SLC26A2: variants seen among roughly 807,000 people sequenced by gnomAD.
SLC26A2 encodes the protein sulfate transporter.
SLC26A2 carries 36 observed loss-of-function variants against 41.1 expected under a neutral mutation model. The ratio of observed to expected loss-of-function variants is 0.88; its 90% CI spans 0.67 to 1.16. The LOEUF (loss-of-function observed/expected upper bound fraction) is 1.16, where lower values mean the gene tolerates loss of function less well. Ranked by LOEUF, SLC26A2 falls within the 50% of genes most tolerant of loss-of-function variation. The probability of loss-of-function intolerance (pLI) is 0.00; values close to 1 mark genes in which losing one functional copy is unlikely to be tolerated. For synonymous variants in SLC26A2, 291 were observed against 311.6 expected, an observed-to-expected ratio of 0.93 and a Z score of 0.70; for missense variants, 796 against 869.6, an observed-to-expected ratio of 0.92 and a Z score of 1.07.
At position 149,977,716 on chromosome 5, in the gene SLC26A2, A is replaced by G. The variant is rs1755016700; in HGVS notation, c.64A>G (p.Ser22Gly). 6.2e-7 allele frequency: 1 copy of G among 1,614,178 alleles called. No homozygotes were observed. The highest frequency in any genetic ancestry group is 1.7e-5 in the Admixed American group (1 of 60,032). Residue 22 changes from serine (S) to glycine (G), a missense_variant, in exon 2 of 3, where the codon AGT (serine) becomes GGT (glycine). By Grantham distance (56) the Ser-to-Gly change is moderately conservative. Coordinates refer to ENST00000286298, the MANE Select transcript of SLC26A2 (RefSeq NM_000112.4). ...SPRDSAEGND[S>G]YPSGIHLELQ... ...CAGAGACTCAGCTGAAGGAAATGAC[A>G]GTTATCCATCTGGGATCCATCTGGA...
rs1253520265 is a variant in SLC26A2, at chr5:149,982,668, T to C, written c.*855T>C. The C allele has an allele frequency of 1.3e-5, 2 of 152,230 alleles. No homozygotes were observed. Among genetic ancestry groups the C allele is most frequent in the African/African-American group, 4.8e-5 (2 of 41,462 alleles). 9.4% of individuals were successfully genotyped at this position (152,230 alleles called of 1,614,324 possible). A position where few individuals can be genotyped will look rare whatever the true frequency, so the allele number is the denominator to read the frequency against. On this transcript the variant is annotated 3_prime_UTR_variant, in exon 3 of 3. Transcript: ENST00000286298. ...AGTTTGTTTCCCATGGAATCTGTCC[T>C]AAACTGGTGTTTTTGTCAGTGACAG...
At chr5:149,967,220 C>T (rs1754818850) in intron 1 of SLC26A2, among the ~76,000 whole-genome samples, 3 of 152,086 alleles carry the variant, frequency 2.0e-5, no homozygotes, top group Admixed American at 1.3e-4. Flanking sequence ...CTCTTTTCCC[C>T]TTCAGATAAG....
In SLC26A2 at chr5:149,981,086, T is replaced by C; in HGVS notation, c.1493T>C (p.Phe498Ser). The change falls in exon 3 of 3, where the codon TTT becomes TCT. Residue 498 changes from phenylalanine to serine, a missense_variant. Coordinates refer to ENST00000286298, the MANE Select transcript of SLC26A2 (RefSeq NM_000112.4). ...AATCTACGGGGAGCCCTTCGTAAAT[T>C]TAGGGATCTTCCCAAAATGTGGAGT... ...IVNLRGALRK[F>S]RDLPKMWSIS... The C allele has an allele frequency of 1.2e-6, 2 of 1,614,166 alleles. No individual in the cohort carries two copies. The highest frequency in any genetic ancestry group is 1.7e-6 in the Non-Finnish European group (2 of 1,180,004).
chr5:149,981,348 C>T lies in SLC26A2; in HGVS notation c.1755C>T (p.Ala585=). ...KPGIKIFRFV[A]PLYYINKECF... ...GCATCAAGATTTTCCGCTTTGTAGC[C>T]CCTCTCTACTACATAAACAAAGAAT... Residue 585 remains alanine (A), a synonymous_variant, in exon 3 of 3, where the codon GCC becomes GCT. Coordinates refer to ENST00000286298, the MANE Select transcript of SLC26A2 (RefSeq NM_000112.4). 6.2e-7 allele frequency: 1 copy of T among 1,613,972 alleles called. No individual in the cohort carries two copies. The highest frequency in any genetic ancestry group is 8.5e-7 in the Non-Finnish European group (1 of 1,179,958).
Position 149,980,899 on chromosome 5 carries a change from A to G in SLC26A2, c.1306A>G (p.Thr436Ala), listed in dbSNP as rs1160194922. 2.5e-6 allele frequency: 4 copies of G among 1,614,014 alleles called. No homozygotes were observed. Among genetic ancestry groups the G allele is most frequent in the African/African-American group, 2.7e-5 (2 of 74,914 alleles). ...IIPSFFHCFTTSAALAKTLVK... is the reference protein window; with the variant it reads ...IIPSFFHCFTASAALAKTLVK... ...CCCTTCCTTCTTCCACTGTTTTACT[A>G]CTAGTGCAGCTCTTGCAAAGACATT... The change falls in exon 3 of 3, where the codon ACT becomes GCT. Residue 436 changes from threonine to alanine, a missense_variant. Transcript: ENST00000286298.
chr5:149,975,050 CTCT>C (rs1754969659), intron 1 of SLC26A2, among the ~76,000 whole-genome samples: 1 of 152,064 alleles, frequency 6.6e-6, no homozygotes, highest in African/African-American at 2.4e-5. Context: ...CCCATTCTCT[CTCT>C]TCTTTTGGTA....
rs919574683 is a variant in SLC26A2 at position 149,984,018 on chromosome 5, A to G, written c.*2205A>G. On this transcript the variant is annotated 3_prime_UTR_variant, in exon 3 of 3. Coordinates refer to ENST00000286298, the MANE Select transcript of SLC26A2 (RefSeq NM_000112.4). Reference sequence around the variant, plus strand: ...TTAGCCAACACCAACACAGCAAAAAATATAATTCCAGCCAAAGATTCTGGA... The same window carrying G: ...TTAGCCAACACCAACACAGCAAAAAGTATAATTCCAGCCAAAGATTCTGGA... 2 of 152,274 alleles carry G rather than the reference A, an allele frequency of 1.3e-5. No homozygotes were observed. The highest frequency in any genetic ancestry group is 4.8e-5 in the African/African-American group (2 of 41,478). 9.4% of individuals were successfully genotyped at this position (152,274 alleles called of 1,614,324 possible).
Position 149,981,145 on chromosome 5 carries a change from A to G in SLC26A2, c.1552A>G (p.Thr518Ala). The G allele has an allele frequency of 6.2e-7, 1 of 1,614,156 alleles. No individual in the cohort carries two copies. The highest frequency in any genetic ancestry group is 8.5e-7 in the Non-Finnish European group (1 of 1,180,010). Residue 518 changes from threonine to alanine, a missense_variant, in exon 3 of 3, where the codon ACT (threonine) becomes GCT (alanine). Physicochemically the swap from Thr to Ala is moderately conservative, Grantham distance 58. Coordinates refer to ENST00000286298, the MANE Select transcript of SLC26A2 (RefSeq NM_000112.4). ...AATGGATACAGTTATCTGGTTTGTT[A>G]CTATGCTGTCCTCTGCACTGCTAAG... The part of the protein sequence containing the change: ...SRMDTVIWFV[T>A]MLSSALLSTE...
In SLC26A2 at chr5:149,980,684, T is replaced by C. The variant is rs1360579129; in HGVS notation, c.1091T>C (p.Ile364Thr). The C allele has an allele frequency of 8.7e-6, 14 of 1,614,046 alleles. No homozygotes were observed. The highest frequency in any genetic ancestry group is 1.3e-5 in the African/African-American group (1 of 75,058). The change falls in exon 3 of 3, where the codon ATT (isoleucine) becomes ACT (threonine). Residue 364 changes from isoleucine (I) to threonine (T), a missense_variant. By Grantham distance (89) the Ile-to-Thr change is moderately conservative. Coordinates refer to ENST00000286298, the MANE Select transcript of SLC26A2 (RefSeq NM_000112.4). ...TATAATTCTAGTATTGCTGGACATA[T>C]TCCCACTGGGTTTATGCCACCCAAA... ...ENYNSSIAGHIPTGFMPPKVP... is the reference protein window; with the variant it reads ...ENYNSSIAGHTPTGFMPPKVP...
chr5:149,963,738 CTT>C (rs761075019), intron 1 of SLC26A2, among the ~76,000 whole-genome samples: 2 of 78,266 alleles, frequency 2.6e-5, no homozygotes, highest in African/African-American at 6.2e-5. Context: ...ATTTGTTTAA[CTT>C]TTTTTTTTTT....
Position 149,987,064 on chromosome 5 carries a change from C to T in SLC26A2, c.*5251C>T, listed in dbSNP as rs569655749. 4.6e-5 allele frequency: 7 copies of T among 152,316 alleles called. No individual in the cohort carries two copies. In the South Asian group the frequency reaches 1.0e-3, roughly 23 times the overall value. The allele number at this position is 152,316 out of a possible 1,614,324, so 9.4% of individuals were successfully genotyped here. Reference sequence around the variant, plus strand: ...TGACAGGTGAATGAACTTAAATTCTCAGTCTTGTCTATTCACCAAAAAAGT... The same window carrying T: ...TGACAGGTGAATGAACTTAAATTCTTAGTCTTGTCTATTCACCAAAAAAGT... On this transcript the variant is annotated 3_prime_UTR_variant, in exon 3 of 3. Coordinates refer to ENST00000286298, the MANE Select transcript of SLC26A2 (RefSeq NM_000112.4).
chr5:149,963,316 G>A (rs1244402485), intron 1 of SLC26A2, among the ~76,000 whole-genome samples: 30 of 143,296 alleles, frequency 2.1e-4, no homozygotes, highest in South Asian at 1.3e-3. Flanking sequence ...GTCTCACTTT[G>A]TCTCCAGGCC....
rs765269781 is a variant in SLC26A2 at position 149,977,757 on chromosome 5, A to G, written c.105A>G (p.Ser35=). 1.6e-5 allele frequency: 26 copies of G among 1,613,786 alleles called. No individual in the cohort carries two copies. The Admixed American group carries it at 2.7e-4, about 17-fold the overall frequency. The change falls in exon 2 of 3, where the codon TCA becomes TCG. Residue 35 remains serine, a synonymous_variant. Coordinates refer to ENST00000286298, the MANE Select transcript of SLC26A2 (RefSeq NM_000112.4). The part of the protein sequence containing the change: ...SGIHLELQRE[S]STDFKQFETN... Reference sequence around the variant, plus strand: ...TCCATCTGGAACTTCAAAGGGAATCAAGTACTGACTTCAAGCAATTTGAGA... The same window carrying G: ...TCCATCTGGAACTTCAAAGGGAATCGAGTACTGACTTCAAGCAATTTGAGA...
intron 1 of SLC26A2, 100 bp from the exon 2 acceptor site, chr5:149,977,528 A>T: frequency 1.3e-6 from 1 of 741,086 alleles, no homozygotes; most frequent in Non-Finnish European, 2.4e-6. Context: ...TCCAAAACTG[A>T]ATTCCTTTTA....
At position 149,977,724 on chromosome 5, in the gene SLC26A2, A is replaced by C. The variant is rs759789848; in HGVS notation, c.72A>C (p.Pro24=). The C allele has an allele frequency of 6.2e-7, 1 of 1,614,130 alleles. No homozygotes were observed. The highest frequency in any genetic ancestry group is 8.5e-7 in the Non-Finnish European group (1 of 1,179,956). Residue 24 remains proline, a synonymous_variant, in exon 2 of 3, where the codon CCA becomes CCC. Coordinates refer to ENST00000286298, the MANE Select transcript of SLC26A2 (RefSeq NM_000112.4). ...CAGCTGAAGGAAATGACAGTTATCC[A>C]TCTGGGATCCATCTGGAACTTCAAA... is the stretch of plus-strand genomic sequence containing the variant. ...RDSAEGNDSY[P]SGIHLELQRE... is the part of the protein sequence containing the mutation.
At position 149,981,000 on chromosome 5, in the gene SLC26A2, A is replaced by G. The variant is rs2113698698; in HGVS notation, c.1407A>G (p.Leu469=). ...VTALVLLLVL[L]VIAPLFYSLQ... ...CCCTGGTTCTTTTGTTGGTCCTCCT[A>G]GTAATAGCTCCTTTGTTCTATTCCC... is the stretch of plus-strand genomic sequence containing the variant. Residue 469 remains leucine, a synonymous_variant, in exon 3 of 3, where the codon CTA becomes CTG. Transcript: ENST00000286298. 1 of 1,614,120 alleles carries G rather than the reference A, an allele frequency of 6.2e-7. No individual in the cohort carries two copies. The highest frequency in any genetic ancestry group is 8.5e-7 in the Non-Finnish European group (1 of 1,179,992).
At chr5:149,977,155 A>G (rs539074279) in intron 1 of SLC26A2, among the ~76,000 whole-genome samples, 1 of 152,356 alleles carries the variant, frequency 6.6e-6, no homozygotes, top group East Asian at 1.9e-4. Context: ...CCAAAAAATA[A>G]AACAGGACCA....
At chr5:149,964,163 C>T (rs1379891207) in intron 1 of SLC26A2, among the ~76,000 whole-genome samples, 1 of 152,106 alleles carries the variant, frequency 6.6e-6, no homozygotes, top group African/African-American at 2.4e-5. Context: ...CTAATGAATG[C>T]TTCTTTTGAA....
chr5:149,967,684 T>G (rs956469339), intron 1 of SLC26A2, among the ~76,000 whole-genome samples: 14 of 152,166 alleles, frequency 9.2e-5, no homozygotes, highest in African/African-American at 3.1e-4. Context: ...GTAACACCAC[T>G]TCCCCCAGTA....
Sources: allele counts gnomAD v4.1 joint callset (sites outside exome capture counted in the v4.1 genomes callset), GRCh38; gene constraint gnomAD v4.1.1; transcripts MANE v1.5; gene names NCBI Gene and HGNC (gene_info 2026-07-23, HGNC 2026-07-21).